The following LILRB2 variants were observed in gnomAD, a reference collection of about 807,000 sequenced individuals.
LILRB2 encodes leukocyte immunoglobulin-like receptor subfamily B member 2.
In LILRB2, 47 loss-of-function variants were observed where a neutral mutation model predicts 72.7. That is an observed-to-expected ratio of 0.65 (90% CI 0.51 to 0.82). LILRB2 has a LOEUF of 0.82. LILRB2 is among the 40% of genes least tolerant of loss of function. LILRB2 has a pLI of 0.00. For synonymous variants in LILRB2, 279 were observed against 313.7 expected (o/e 0.89, Z 1.17); for missense variants, 767 against 764.8 (o/e 1.00, Z -0.03).
At chr19:54,275,211 G>T in intron 13 of LILRB2, 2 of 1,142,580 alleles carry the variant, frequency 1.8e-6, no homozygotes, top group East Asian at 5.1e-5. Context: ...GGGTCTGGCC[G>T]CTCCCTTCCT....
At position 54,277,843 on chromosome 19, in the gene LILRB2, T is replaced by TG. The variant is rs1178902433; in HGVS notation, c.1309+45dup. The TG allele has an allele frequency of 2.0e-6, 3 of 1,470,160 alleles. No homozygotes were observed. The South Asian group carries it at 3.6e-5, about 18-fold the overall frequency. The allele number at this position is 1,470,160 out of a possible 1,614,324, so 91.1% of individuals were successfully genotyped here. On this transcript the variant is annotated intron_variant, in intron 8 of 13. Coordinates refer to ENST00000314446, the MANE Select transcript of LILRB2 (RefSeq NM_001080978.4). Reference sequence around the variant, plus strand: ...TCCTCCTGGACACTCAAAGCTGCCCTGGGGGTCGCTGCGCTCCCTTCGAGC... The same window carrying TG: ...TCCTCCTGGACACTCAAAGCTGCCCTGGGGGGTCGCTGCGCTCCCTTCGAGC...
intron 12 of LILRB2, 68 bp downstream of exon 12, chr19:54,276,196 C>T (rs1218812470): frequency 5.6e-6 from 9 of 1,608,056 alleles, no homozygotes; most frequent in Admixed American, 5.0e-5. Flanking sequence ...GTGCCCCTTT[C>T]CCCATTGCTA....
rs201946840 is a variant in LILRB2 at position 54,276,782 on chromosome 19, A to G, written c.1480+25T>C. 4.3e-4 allele frequency: 684 copies of G among 1,608,304 alleles called. 2 individuals carry two copies. In the African/African-American group the frequency reaches 7.9e-3, roughly 19 times the overall value. ...CCCTGAGCCCACCCTCGGTCGGCCC[A>G]CAGGGTTTCCCCTTCCCTACTCACT... On this transcript the variant is annotated intron_variant, in intron 10 of 13. Coordinates refer to ENST00000314446, the MANE Select transcript of LILRB2 (RefSeq NM_001080978.4).
chr19:54,275,654 G>A (rs2080183543), intron 13 of LILRB2: 1 of 564,876 alleles, frequency 1.8e-6, no homozygotes, highest in Non-Finnish European at 3.4e-6. Flanking sequence ...ATGAAGGGGA[G>A]CCCAGGGGAC....
intron 12 of LILRB2, 32 bp downstream of exon 12, chr19:54,276,232 C>T: frequency 6.2e-7 from 1 of 1,613,830 alleles, no homozygotes; most frequent in South Asian, 1.1e-5. Flanking sequence ...CCCTATCTCC[C>T]TCCTGGCTGG....
chr19:54,279,467 G>C lies in LILRB2; in HGVS notation c.536C>G (p.Ala179Gly). The change falls in exon 5 of 14, where the codon GCC becomes GGC. Residue 179 changes from alanine (A) to glycine (G), a missense_variant. Coordinates refer to ENST00000314446, the MANE Select transcript of LILRB2 (RefSeq NM_001080978.4). ...GCTCACGGGGCCCACGGAGAAGATG[G>C]CGCGGGACGACCCACGGGCATGGGG... The part of the protein sequence containing the change: ...SQPHARGSSR[A>G]IFSVGPVSPN... 6.2e-7 allele frequency: 1 copy of C among 1,614,206 alleles called. No individual in the cohort carries two copies. The highest frequency in any genetic ancestry group is 8.5e-7 in the Non-Finnish European group (1 of 1,180,026).
Position 54,278,798 on chromosome 19 carries a change from G to C in LILRB2, c.955+14C>G, listed in dbSNP as rs190389209. On this transcript the variant is annotated intron_variant, in intron 6 of 13. Coordinates refer to ENST00000314446, the MANE Select transcript of LILRB2 (RefSeq NM_001080978.4). ...AGAGTCTGGGTCCCTGACTGAACCC[G>C]CTGGGCTCCTCACCTGTGATCAGGA... 1 of 1,611,336 alleles carries C rather than the reference G, an allele frequency of 6.2e-7. No individual in the cohort carries two copies. Among genetic ancestry groups the C allele is most frequent in the Non-Finnish European group, 8.5e-7 (1 of 1,179,408 alleles).
chr19:54,274,569 T>G lies in LILRB2; in HGVS notation c.*114A>C, dbSNP rs530371207. On this transcript the variant is annotated 3_prime_UTR_variant, in exon 14 of 14. Coordinates refer to ENST00000314446, the MANE Select transcript of LILRB2 (RefSeq NM_001080978.4). The stretch of plus-strand genomic sequence containing the variant: ...AGTTCCCAGCATCTCCTCATGGTCT[T>G]TGTTAGGGGTCCAGGCTGACTGGGG... 639 of 1,557,924 alleles carry G rather than the reference T, an allele frequency of 4.1e-4. 4 individuals are homozygous for G. Among genetic ancestry groups the G allele is most frequent in the South Asian group, 2.4e-3 (204 of 83,708 alleles).
At position 54,277,898 on chromosome 19, in the gene LILRB2, A is replaced by T. The variant is rs926167626; in HGVS notation, c.1300T>A (p.Ser434Thr). The T allele has an allele frequency of 1.9e-6, 3 of 1,547,226 alleles. No individual in the cohort carries two copies. The highest frequency in any genetic ancestry group is 2.6e-6 in the Non-Finnish European group (3 of 1,144,668). ...GSSPPPTGPI[S>T]TPGPEDQPLT... ...GGCCTCAGGGACTCACCAGGTGTGG[A>T]GATGGGACCGGTGGGTGGGGGGCTG... The change falls in exon 8 of 14, where the codon TCC becomes ACC. Residue 434 changes from serine to threonine, a missense_variant. By Grantham distance (58) the Ser-to-Thr change is moderately conservative. Around this residue, in one of 3 missense-constraint regions of LILRB2, gnomAD observed 599 missense variants for 568.2 expected, o/e 1.05. Transcript: ENST00000314446.
In LILRB2 at chr19:54,276,748, T is replaced by C. The variant is rs1018839925; in HGVS notation, c.1480+59A>G. The C allele has an allele frequency of 3.2e-6, 5 of 1,578,812 alleles. No homozygotes were observed. In the African/African-American group the frequency reaches 5.4e-5, roughly 17 times the overall value. ...ATTTGCCCAGTGGTTTGGATTCTCTTTGGCTGTGCCCTGAGCCCACCCTCG... is the reference window on the plus strand; with the variant it reads ...ATTTGCCCAGTGGTTTGGATTCTCTCTGGCTGTGCCCTGAGCCCACCCTCG... On this transcript the variant is annotated intron_variant, in intron 10 of 13. Coordinates refer to ENST00000314446, the MANE Select transcript of LILRB2 (RefSeq NM_001080978.4).
chr19:54,279,884 T>C lies in LILRB2; in HGVS notation c.262A>G (p.Ile88Val), dbSNP rs778315782. Reference sequence around the variant, plus strand: ...TATCGCCCTGTGTGTTCCCAGGTGATGGATGGGATGTGGAACTGGCCGTTC... The same window carrying C: ...TATCGCCCTGTGTGTTCCCAGGTGACGGATGGGATGTGGAACTGGCCGTTC... ...VKNGQFHIPS[I>V]TWEHTGRYGC... Residue 88 changes from isoleucine to valine, a missense_variant, in exon 4 of 14, where the codon ATC becomes GTC. Ile to Val is a conservative substitution (Grantham distance 29). This residue lies in a region of LILRB2 where 599 missense variants were observed against 568.2 expected (regional missense o/e 1.05). Transcript: ENST00000314446. The C allele has an allele frequency of 1.3e-5, 21 of 1,613,954 alleles. No individual in the cohort carries two copies. The African/African-American group carries it at 2.1e-4, about 16-fold the overall frequency.
At position 54,278,881 on chromosome 19, in the gene LILRB2, A is replaced by G; in HGVS notation, c.886T>C (p.Cys296Arg). 3 of 1,614,114 alleles carry G rather than the reference A, an allele frequency of 1.9e-6. No homozygotes were observed. Among genetic ancestry groups the G allele is most frequent in the Non-Finnish European group, 2.5e-6 (3 of 1,179,994 alleles). ...VSRSYGGQYR[C>R]YGAHNLSSEC... ...GAGGAGAGGTTGTGTGCACCGTAGC[A>G]TCTGTACTGGCCCCCGTAGGAGCGG... The change falls in exon 6 of 14, where the codon TGC becomes CGC. Residue 296 changes from cysteine (C) to arginine (R), a missense_variant. Physicochemically the swap from Cys to Arg is radical, Grantham distance 180. Transcript: ENST00000314446.
At chr19:54,280,612 G>A (rs1601131421) in intron 1 of LILRB2, 68 bp from the exon 2 acceptor site, 10 of 1,536,006 alleles carry the variant, frequency 6.5e-6, no homozygotes, top group Middle Eastern at 1.7e-4. Flanking sequence ...GACACTCAGA[G>A]GCTGGGTCCT....
rs748665800 is a variant in LILRB2 at position 54,278,463 on chromosome 19, T to G, written c.1055A>C (p.His352Pro). The G allele has an allele frequency of 1.1e-4, 180 of 1,614,052 alleles. No homozygotes were observed. The highest frequency in any genetic ancestry group is 1.5e-4 in the Non-Finnish European group (178 of 1,180,024). Residue 352 changes from histidine to proline, a missense_variant, in exon 7 of 14, where the codon CAC (histidine) becomes CCC (proline). His to Pro is a moderately conservative substitution (Grantham distance 77). This residue lies in a region of LILRB2 where 599 missense variants were observed against 568.2 expected (regional missense o/e 1.05). Coordinates refer to ENST00000314446, the MANE Select transcript of LILRB2 (RefSeq NM_001080978.4). ...TLLCQSWRQF[H>P]TFLLTKAGAA... ...TCCCGCCTTGGTCAGAAGGAAAGTG[T>G]GGAACTGCCGCCATGACTGACACAG...
intron 7 of LILRB2, 64 bp downstream of exon 7, chr19:54,278,196 C>T (rs1315758239): frequency 6.3e-7 from 1 of 1,594,150 alleles, no homozygotes; most frequent in African/African-American, 1.3e-5. Context: ...GCCCAGAGCT[C>T]TCCTGGGGGG....
Position 54,276,265 on chromosome 19 carries a change from G to C in LILRB2, c.1593C>G (p.Leu531=), listed in dbSNP as rs1227168076. The C allele has an allele frequency of 6.2e-7, 1 of 1,613,992 alleles. No individual in the cohort carries two copies. Among genetic ancestry groups the C allele is most frequent in the South Asian group, 1.1e-5 (1 of 91,056 alleles). Residue 531 remains leucine, a splice_region_variant and synonymous_variant, in exon 12 of 14, where the codon CTC becomes CTG. Coordinates refer to ENST00000314446, the MANE Select transcript of LILRB2 (RefSeq NM_001080978.4). The part of the protein sequence containing the change: ...SPAADAQEEN[L]YAAVKDTQPE... ...TGGTCACCTCTTCCTCTCACTCACA[G>C]AGGTTTTCTTCCTGGGCGTCGGCAG...
intron 12 of LILRB2, 54 bp from the exon 13 acceptor site, chr19:54,276,057 G>C: frequency 6.2e-7 from 1 of 1,603,190 alleles, no homozygotes; most frequent in East Asian, 2.2e-5. Context: ...TGGGACCTCT[G>C]AGTCCTGCCA....
In LILRB2 at chr19:54,274,593, G is replaced by A. The variant is rs548558459; in HGVS notation, c.*90C>T. 6.3e-7 allele frequency: 1 copy of A among 1,598,106 alleles called. No homozygotes were observed. The highest frequency in any genetic ancestry group is 1.3e-5 in the African/African-American group (1 of 74,612). On this transcript the variant is annotated 3_prime_UTR_variant, in exon 14 of 14. Coordinates refer to ENST00000314446, the MANE Select transcript of LILRB2 (RefSeq NM_001080978.4). The stretch of plus-strand genomic sequence containing the variant: ...TTTGTTAGGGGTCCAGGCTGACTGG[G>A]GTTCATTGGTGTCCACTGGGGGCAG...
At position 54,274,111 on chromosome 19, in the gene LILRB2, T is replaced by G. The variant is rs1233646981; in HGVS notation, c.*572A>C. 6.5e-6 allele frequency: 1 copy of G among 153,372 alleles called. No individual in the cohort carries two copies. Among genetic ancestry groups the G allele is most frequent in the African/African-American group, 2.4e-5 (1 of 41,272 alleles). 9.5% of individuals were successfully genotyped at this position (153,372 alleles called of 1,614,324 possible). On this transcript the variant is annotated 3_prime_UTR_variant, in exon 14 of 14. Coordinates refer to ENST00000314446, the MANE Select transcript of LILRB2 (RefSeq NM_001080978.4). ...CTCCCATATGGAAATGCGTGCCTGCTCTTTCTTTCTCTTGCTCAATGTAGT... is the reference window on the plus strand; with the variant it reads ...CTCCCATATGGAAATGCGTGCCTGCGCTTTCTTTCTCTTGCTCAATGTAGT...
Sources: allele counts gnomAD v4.1 joint callset, GRCh38; gene constraint gnomAD v4.1.1; regional missense constraint gnomAD v4.1.1; transcripts MANE v1.5; gene names NCBI Gene and HGNC (gene_info 2026-07-23, HGNC 2026-07-21).